HTT: variants seen among roughly 807,000 people sequenced by gnomAD.
HTT encodes the protein huntington disease protein.
A neutral mutation model predicts 362.3 loss-of-function variants in HTT; 104 were observed. The observed-to-expected ratio is 0.29, with a 90% CI of 0.24 to 0.34. HTT has a LOEUF of 0.34. HTT is among the 10% of genes least tolerant of loss of function. HTT has a pLI of 1.00. For missense variants in HTT, 3,301 were observed against 3,928.6 expected (o/e 0.84, Z 4.27); for synonymous variants, 1,577 against 1,548.7 (o/e 1.02, Z -0.43).
chr4:3,109,750 G>T (rs2110165984), intron 6 of HTT, among the ~76,000 whole-genome samples: 1 of 152,238 alleles, frequency 6.6e-6, no homozygotes, highest in South Asian at 2.1e-4. Flanking sequence ...ACCTGGGGAG[G>T]AGGAGGAGGA....
intron 28 of HTT, among the ~76,000 whole-genome samples, chr4:3,159,740 C>T (rs1717347100): frequency 6.6e-6 from 1 of 152,190 alleles, no homozygotes. Context: ...TCTTGTTATG[C>T]ATGTCTTTGG....
chr4:3,079,476 T>C (rs1712772031), intron 1 of HTT, among the ~76,000 whole-genome samples: 1 of 151,830 alleles, frequency 6.6e-6, no homozygotes, highest in South Asian at 2.1e-4. Context: ...AGTGTAAGGG[T>C]GTATGAAGTA....
intron 29 of HTT, among the ~76,000 whole-genome samples, chr4:3,164,848 A>C (rs1366683691): frequency 6.6e-6 from 1 of 152,170 alleles, no homozygotes; most frequent in Non-Finnish European, 1.5e-5. Flanking sequence ...TGAATACAGC[A>C]CACCAATGGG....
rs181831717 is a variant in HTT at position 3,183,505 on chromosome 4, C to T, written c.4866+1035C>T. On this transcript the variant is annotated intron_variant, in intron 37 of 66. Transcript: ENST00000355072. ...ACTACTCTGTATAGTACGAGTAGTC[C>T]GTGGTTTTTGGCATTTGATTTAAAC... 4.6e-5 allele frequency among the ~76,000 whole-genome samples: 7 copies of T among 152,262 alleles called. No individual in the cohort carries two copies. The East Asian group carries it at 5.8e-4, about 13-fold the overall frequency.
Position 3,242,284 on chromosome 4 carries a change from C to A in HTT, c.*2225C>A, listed in dbSNP as rs995624748. 6.6e-6 allele frequency: 1 copy of A among 152,206 alleles called. No homozygotes were observed. The highest frequency in any genetic ancestry group is 6.5e-5 in the Admixed American group (1 of 15,290). 9.4% of individuals were successfully genotyped at this position (152,206 alleles called of 1,614,324 possible). A position where few individuals can be genotyped will look rare whatever the true frequency, so the allele number is the denominator to read the frequency against. On this transcript the variant is annotated 3_prime_UTR_variant, in exon 67 of 67. Coordinates refer to ENST00000355072, the MANE Select transcript of HTT (RefSeq NM_001388492.1). Reference sequence around the variant, plus strand: ...TCCTTAGCAAGGGGCTCAGAACACCCCGCTCTGGCAGTAGGTGTCCCCCAC... The same window carrying A: ...TCCTTAGCAAGGGGCTCAGAACACCACGCTCTGGCAGTAGGTGTCCCCCAC...
intron 40 of HTT, among the ~76,000 whole-genome samples, chr4:3,197,453 C>T (rs1719303802): frequency 6.6e-6 from 1 of 152,062 alleles, no homozygotes; most frequent in Non-Finnish European, 1.5e-5. Flanking sequence ...TCCCGCTACC[C>T]CAGGAACCCT....
intron 11 of HTT, 130 bp downstream of exon 11, chr4:3,125,759 A>G: frequency 1.5e-6 from 1 of 676,766 alleles, no homozygotes; most frequent in Admixed American, 2.4e-5. Context: ...GGTTGCTTAA[A>G]TGGGGCATAT....
At chr4:3,137,386 C>T (rs1201977673) in intron 21 of HTT, among the ~76,000 whole-genome samples, 1 of 152,112 alleles carries the variant, frequency 6.6e-6, no homozygotes, top group Non-Finnish European at 1.5e-5. Context: ...CCTAGGCAGC[C>T]ACTCATCTAT....
At chr4:3,121,637 A>G in intron 9 of HTT, 1 of 451,004 alleles carries the variant, frequency 2.2e-6, no homozygotes, top group Non-Finnish European at 4.0e-6. Context: ...GCACTTTGGA[A>G]GGATCGCTTC....
At chr4:3,124,334 A>T (rs1715425022) in intron 10 of HTT, among the ~76,000 whole-genome samples, 2 of 152,150 alleles carry the variant, frequency 1.3e-5, no homozygotes, top group Admixed American at 6.5e-5. Flanking sequence ...GGGACATGGG[A>T]TATATCCTGT....
intron 12 of HTT, among the ~76,000 whole-genome samples, chr4:3,127,809 C>G (rs1350645410): frequency 1.3e-5 from 2 of 151,230 alleles, no homozygotes; most frequent in Non-Finnish European, 2.9e-5. Flanking sequence ...ACTAAAAATA[C>G]AAAAATTAGT....
chr4:3,211,005 C>T (rs1361607901), intron 47 of HTT, among the ~76,000 whole-genome samples: 1 of 150,352 alleles, frequency 6.7e-6, no homozygotes, highest in Admixed American at 6.6e-5. Flanking sequence ...TGGGTTCATA[C>T]GATTCTCCTG....
At chr4:3,094,655 TGGCCGGGCGGG>T (rs1713734968) in intron 2 of HTT, among the ~76,000 whole-genome samples, 8 of 111,240 alleles carry the variant, frequency 7.2e-5, no homozygotes, top group African/African-American at 3.4e-4. Context: ...ACGGGGCGGG[TGGCCGGGCGGG>T]GGCTGCCCCC....
At chr4:3,167,780 A>G (rs1405478606) in intron 29 of HTT, among the ~76,000 whole-genome samples, 3 of 152,226 alleles carry the variant, frequency 2.0e-5, no homozygotes, top group African/African-American at 7.2e-5. Flanking sequence ...TTTTAAAGGT[A>G]CATAAAGATA....
rs1414497370 is a variant in HTT, at chr4:3,240,659, A to C, written c.*600A>C. ...CAGTAAAGAGATTAATTTTAACGTAACTCTTTCTATGCCCGTGTAAAGTAT... is the reference window on the plus strand; with the variant it reads ...CAGTAAAGAGATTAATTTTAACGTACCTCTTTCTATGCCCGTGTAAAGTAT... On this transcript the variant is annotated 3_prime_UTR_variant, in exon 67 of 67. Coordinates refer to ENST00000355072, the MANE Select transcript of HTT (RefSeq NM_001388492.1). 1 of 154,862 alleles carries C rather than the reference A, an allele frequency of 6.5e-6. No homozygotes were observed. The highest frequency in any genetic ancestry group is 2.4e-5 in the African/African-American group (1 of 41,352). The allele number at this position is 154,862 out of a possible 1,614,324, so 9.6% of individuals were successfully genotyped here.
intron 41 of HTT, among the ~76,000 whole-genome samples, chr4:3,201,529 CAA>C (rs925357780): frequency 0.2 from 11,884 of 60,344 alleles, 216 homozygotes; most frequent in African/African-American, 0.25. Context: ...GACTCCATCT[CAA>C]AAAAAAAAAA....
Position 3,127,288 on chromosome 4 carries a change from G to A in HTT, c.1427G>A (p.Gly476Glu). Residue 476 changes from glycine to glutamate, a missense_variant, in exon 12 of 67, where the codon GGA becomes GAA. Transcript: ENST00000355072. The stretch of plus-strand genomic sequence containing the variant: ...GCCTCAGTGAAGGATGAGATCAGTG[G>A]AGAGCTGGCTGCTTCTTCAGGGGTT... ...LTASVKDEISGELAASSGVST... is the reference protein window; with the variant it reads ...LTASVKDEISEELAASSGVST... 1.2e-6 allele frequency: 2 copies of A among 1,614,108 alleles called. No homozygotes were observed. Among genetic ancestry groups the A allele is most frequent in the East Asian group, 2.2e-5 (1 of 44,884 alleles).
chr4:3,222,074 A>G (rs1194026808), intron 53 of HTT, among the ~76,000 whole-genome samples: 2 of 152,236 alleles, frequency 1.3e-5, no homozygotes, highest in African/African-American at 4.8e-5. Flanking sequence ...GGTTGCCTGC[A>G]TGGGCGTCCC....
At chr4:3,190,586 A>T (rs1390198651) in intron 40 of HTT, among the ~76,000 whole-genome samples, 1 of 151,766 alleles carries the variant, frequency 6.6e-6, no homozygotes, top group Non-Finnish European at 1.5e-5. Flanking sequence ...AAAAATAAAA[A>T]AAAATAGCCA....
Sources: allele counts gnomAD v4.1 joint callset (sites outside exome capture counted in the v4.1 genomes callset), GRCh38; gene constraint gnomAD v4.1.1; transcripts MANE v1.5; gene names NCBI Gene and HGNC (gene_info 2026-07-23, HGNC 2026-07-21).